The following SUMF1 variants were observed in gnomAD, a reference collection of about 807,000 sequenced individuals.
SUMF1 encodes formylglycine-generating enzyme.
In SUMF1, 48 loss-of-function variants were observed where a neutral mutation model predicts 47.6. That is an observed-to-expected ratio of 1.01 (90% CI 0.80 to 1.28). The LOEUF (loss-of-function observed/expected upper bound fraction) is 1.28, where lower values mean the gene tolerates loss of function less well. SUMF1 is among the 50% of genes most tolerant of loss of function. The pLI is 0.00. For synonymous variants in SUMF1, 230 were observed against 192.1 expected, an observed-to-expected ratio of 1.20 and a Z score of -1.63; for missense variants, 571 against 485.4, an observed-to-expected ratio of 1.18 and a Z score of -1.66.
intron 3 of SUMF1, among the ~76,000 whole-genome samples, chr3:4,430,251 C>A (rs897276350): frequency 6.6e-5 from 10 of 152,180 alleles, no homozygotes; most frequent in African/African-American, 2.4e-4. Context: ...CACTGGGTTA[C>A]TCAAAGTTAA....
chr3:4,340,944 T>G (rs1209066624), intron 8 of SUMF1, among the ~76,000 whole-genome samples: 2 of 152,208 alleles, frequency 1.3e-5, no homozygotes, highest in East Asian at 3.8e-4. Context: ...GCTTCAATTT[T>G]TTTTCTTTTT....
At chr3:4,041,220 C>T (rs978363977) in intron 9 of SUMF1, among the ~76,000 whole-genome samples, 2 of 152,162 alleles carry the variant, frequency 1.3e-5, no homozygotes, top group African/African-American at 2.4e-5. Flanking sequence ...TACAGGCACA[C>T]ACCACCATGC....
intron 9 of SUMF1, among the ~76,000 whole-genome samples, chr3:4,047,806 G>C (rs1454653580): frequency 1.3e-5 from 2 of 152,228 alleles, no homozygotes; most frequent in African/African-American, 4.8e-5. Context: ...TACAAAAAAA[G>C]AACCCAGAGA....
chr3:4,279,218 A>G (rs538983922), intron 8 of SUMF1, among the ~76,000 whole-genome samples: 3 of 152,302 alleles, frequency 2.0e-5, no homozygotes, highest in East Asian at 3.9e-4. Context: ...GTACTATATG[A>G]AAGTCATGGT....
chr3:4,154,735 T>C (rs556346274), intron 8 of SUMF1, among the ~76,000 whole-genome samples: 30 of 151,556 alleles, frequency 2.0e-4, no homozygotes, highest in East Asian at 7.7e-4. Flanking sequence ...AACAGGTCCA[T>C]AGACTGATAA....
chr3:4,202,731 T>C (rs1442285772), intron 8 of SUMF1, among the ~76,000 whole-genome samples: 1 of 152,012 alleles, frequency 6.6e-6, no homozygotes, highest in Non-Finnish European at 1.5e-5. Flanking sequence ...GTTCTTCCAG[T>C]CCATGAACTT....
intron 8 of SUMF1, among the ~76,000 whole-genome samples, chr3:4,088,316 T>C (rs1692715193): frequency 6.6e-6 from 1 of 152,158 alleles, no homozygotes; most frequent in South Asian, 2.1e-4. Context: ...GCAAAAATCA[T>C]ATTCTGAATT....
chr3:4,398,295 C>G (rs1466832924), intron 7 of SUMF1, among the ~76,000 whole-genome samples: 1 of 152,132 alleles, frequency 6.6e-6, no homozygotes, highest in Non-Finnish European at 1.5e-5. Context: ...CATTCAGTAG[C>G]TTGCCAGTAA....
At chr3:4,456,989 T>C (rs1358256361) in intron 1 of SUMF1, among the ~76,000 whole-genome samples, 1 of 145,454 alleles carries the variant, frequency 6.9e-6, no homozygotes, top group Non-Finnish European at 1.5e-5. Flanking sequence ...TATATATATA[T>C]ACGTGTGTGT....
intron 9 of SUMF1, among the ~76,000 whole-genome samples, chr3:4,049,941 G>A (rs917451297): frequency 3.3e-5 from 5 of 152,008 alleles, no homozygotes; most frequent in African/African-American, 9.7e-5. Flanking sequence ...TTCTTCCCCT[G>A]GAGTTTGGCC....
At chr3:4,317,329 C>A in intron 8 of SUMF1, 1 of 840,004 alleles carries the variant, frequency 1.2e-6, no homozygotes, top group Non-Finnish European at 1.8e-6. Context: ...CCAATATCTT[C>A]ATAGATTGAA....
At chr3:4,214,783 C>T (rs1256632281) in intron 8 of SUMF1, among the ~76,000 whole-genome samples, 1 of 93,134 alleles carries the variant, frequency 1.1e-5, no homozygotes, top group Non-Finnish European at 2.2e-5. Context: ...CGAAAATAAG[C>T]TAAAAAACCT....
At chr3:4,223,137 T>C (rs1696104188) in intron 8 of SUMF1, among the ~76,000 whole-genome samples, 1 of 152,102 alleles carries the variant, frequency 6.6e-6, no homozygotes, top group East Asian at 1.9e-4. Context: ...ACCTGACAAA[T>C]AGAATAGCTT....
intron 8 of SUMF1, among the ~76,000 whole-genome samples, chr3:4,144,346 T>C (rs369859525): frequency 6.6e-6 from 1 of 152,034 alleles, no homozygotes; most frequent in South Asian, 2.1e-4. Flanking sequence ...AAAGAGGTGA[T>C]AGAAATGTAT....
intron 8 of SUMF1, among the ~76,000 whole-genome samples, chr3:4,126,009 G>A (rs1046153660): frequency 5.9e-5 from 9 of 151,736 alleles, no homozygotes; most frequent in South Asian, 2.1e-4. Flanking sequence ...CTAGTGCCTC[G>A]TGCCATTTTC....
intron 3 of SUMF1, among the ~76,000 whole-genome samples, chr3:4,430,949 T>C (rs1385273883): frequency 6.6e-6 from 1 of 152,138 alleles, no homozygotes; most frequent in East Asian, 1.9e-4. Context: ...TTTTGTTAAA[T>C]AAAATGTACC....
intron 8 of SUMF1, among the ~76,000 whole-genome samples, chr3:4,284,456 GAGGAGGAGGAGGAGGAGA>G (rs761705058): frequency 9.2e-5 from 13 of 142,048 alleles, no homozygotes; most frequent in Non-Finnish European, 1.6e-4. Context: ...GGAGGAGGAG[GAGGAGGAGGAGGAGGAGA>G]AGGAGGAGGA....
At chr3:4,177,122 C>G (rs766061281) in intron 8 of SUMF1, among the ~76,000 whole-genome samples, 2 of 152,112 alleles carry the variant, frequency 1.3e-5, no homozygotes, top group Non-Finnish European at 2.9e-5. Context: ...CAATATTAGA[C>G]AGATCAGTGG....
At chr3:4,202,613 T>G (rs1422201381) in intron 8 of SUMF1, among the ~76,000 whole-genome samples, 1 of 152,000 alleles carries the variant, frequency 6.6e-6, no homozygotes, top group East Asian at 1.9e-4. Context: ...CTATATGAAT[T>G]TTATGATTAT....
Sources: gnomAD v4.1 joint callset for allele counts (sites outside exome capture counted in the v4.1 genomes callset) on GRCh38, gnomAD v4.1.1 for gene constraint, MANE v1.5 for transcripts, NCBI Gene and HGNC (gene_info 2026-07-23, HGNC 2026-07-21) for gene names.